Variants in PPID observed in about 807,000 individuals in gnomAD.
PPID encodes the protein peptidyl-prolyl cis-trans isomerase D.
A neutral mutation model predicts 48.1 loss-of-function variants in PPID; 47 were observed. The observed-to-expected ratio is 0.98, with a 90% confidence interval of 0.77 to 1.25. PPID has a LOEUF of 1.25. Ranked by LOEUF, PPID falls within the 50% of genes most tolerant of loss-of-function variation. The probability of loss-of-function intolerance (pLI) is 0.00; values close to 1 mark genes in which losing one functional copy is unlikely to be tolerated. For synonymous variants in PPID, 163 were observed against 148.8 expected, an observed-to-expected ratio of 1.10 and a Z score of -0.69; for missense variants, 429 against 443.5, an observed-to-expected ratio of 0.97 and a Z score of 0.29.
At chr4:158,723,123 G>T (rs1774990576) in intron 1 of PPID, 81 bp downstream of exon 1, 2 of 1,380,130 alleles carry the variant, frequency 1.4e-6, no homozygotes, top group African/African-American at 1.4e-5. Flanking sequence ...GGCCGGAGCC[G>T]CATTCCGCCC....
chr4:158,713,780 C>CAAAAAAGT (rs1204083421), intron 6 of PPID, among the ~76,000 whole-genome samples: 1 of 152,194 alleles, frequency 6.6e-6, no homozygotes, highest in Non-Finnish European at 1.5e-5. Context: ...GAGCTTAGAG[C>CAAAAAAGT]AAGCAAGTGC....
In PPID at chr4:158,709,698, T is replaced by C. The variant is rs895129759; in HGVS notation, c.*38A>G. Reference sequence around the variant, plus strand: ...AACCTTTACATTTTCTTATTGCATTTATACAATCAACACACAATAAGCAAA... The same window carrying C: ...AACCTTTACATTTTCTTATTGCATTCATACAATCAACACACAATAAGCAAA... On this transcript the variant is annotated 3_prime_UTR_variant, in exon 10 of 10. Transcript: ENST00000307720. The C allele has an allele frequency of 2.1e-6, 3 of 1,444,274 alleles. No homozygotes were observed. In the African/African-American group the frequency reaches 4.2e-5, roughly 20 times the overall value. The allele number at this position is 1,444,274 out of a possible 1,614,324, so 89.5% of individuals were successfully genotyped here.
chr4:158,715,157 G>A (rs78677282), intron 6 of PPID, 140 bp downstream of exon 6: 68 of 368,314 alleles, frequency 1.8e-4, no homozygotes, highest in South Asian at 4.7e-4. Context: ...AAGCTGAGGG[G>A]AAAAAAAAGG....
chr4:158,710,867 C>G lies in PPID; in HGVS notation c.895-19G>C, dbSNP rs747590488. 14 of 1,575,116 alleles carry G rather than the reference C, an allele frequency of 8.9e-6. No individual in the cohort carries two copies. The highest frequency in any genetic ancestry group is 1.0e-5 in the Non-Finnish European group (12 of 1,146,718). On this transcript the variant is annotated intron_variant, in intron 7 of 9. Transcript: ENST00000307720. ...CAAGAGCCTACAAAAAAGTATAAAG[C>G]TAGTATTTATATCAAAGTATTAAGC...
chr4:158,712,713 C>T (rs943495622), intron 7 of PPID, among the ~76,000 whole-genome samples: 8 of 151,846 alleles, frequency 5.3e-5, no homozygotes, highest in South Asian at 2.1e-4. Flanking sequence ...GCCGAGATTG[C>T]GCCACTGCAC....
rs760196503 is a variant in PPID at position 158,710,609 on chromosome 4, A to T, written c.1024+19T>A. On this transcript the variant is annotated intron_variant, in intron 9 of 9. Coordinates refer to ENST00000307720, the MANE Select transcript of PPID (RefSeq NM_005038.3). ...TTAAATAACAAAATTAACTTTCACTACAAAAGCTGCCAACTTACCTTTATC... is the reference window on the plus strand; with the variant it reads ...TTAAATAACAAAATTAACTTTCACTTCAAAAGCTGCCAACTTACCTTTATC... The T allele has an allele frequency of 6.2e-7, 1 of 1,610,456 alleles. No homozygotes were observed. Among genetic ancestry groups the T allele is most frequent in the Non-Finnish European group, 8.5e-7 (1 of 1,177,386 alleles).
intron 3 of PPID, among the ~76,000 whole-genome samples, chr4:158,718,817 G>C (rs866104277): frequency 6.6e-6 from 1 of 152,124 alleles, no homozygotes; most frequent in Non-Finnish European, 1.5e-5. Flanking sequence ...CTGACATCCT[G>C]GATATTAGTG....
rs17843925 is a variant in PPID at position 158,716,735 on chromosome 4, G to A, written c.522+277C>T. On this transcript the variant is annotated intron_variant, in intron 4 of 9. Transcript: ENST00000307720. ...AGCACTTTGGGAGGCCGAGGTGGGC[G>A]GATCACAAGGTCAGGAGTTTGAGAC... Among the ~76,000 whole-genome samples the A allele has an allele frequency of 4.5e-3, 687 of 152,188 alleles. 3 individuals are homozygous for A. The highest frequency in any genetic ancestry group is 0.015 in the African/African-American group (628 of 41,530).
chr4:158,723,190 C>G lies in PPID; in HGVS notation c.85+14G>C. 6.2e-7 allele frequency: 1 copy of G among 1,610,316 alleles called. No individual in the cohort carries two copies. On this transcript the variant is annotated intron_variant, in intron 1 of 9. Coordinates refer to ENST00000307720, the MANE Select transcript of PPID (RefSeq NM_005038.3). ...CTCCTCGGGGCTTTTCCGCGAGCGT[C>G]AGACTCCGCTCACCTCGCTCCCCTC...
chr4:158,723,228 C>A lies in PPID; in HGVS notation c.61G>T (p.Asp21Tyr). 1 of 1,614,024 alleles carries A rather than the reference C, an allele frequency of 6.2e-7. No individual in the cohort carries two copies. The highest frequency in any genetic ancestry group is 2.2e-5 in the East Asian group (1 of 44,878). ...SNPSNPRVFF[D>Y]VDIGGERVGR... ...CCTCGCTCCCCTCCGATGTCCACGT[C>A]AAAGAAGACTCGAGGGTTACTGGGG... The change falls in exon 1 of 10, where the codon GAC (aspartate) becomes TAC (tyrosine). Residue 21 changes from aspartate (D) to tyrosine (Y), a missense_variant. Physicochemically the swap from Asp to Tyr is radical, Grantham distance 160. Coordinates refer to ENST00000307720, the MANE Select transcript of PPID (RefSeq NM_005038.3).
chr4:158,721,565 G>C (rs1316753055), intron 1 of PPID, 82 bp from the exon 2 acceptor site: 2 of 1,475,494 alleles, frequency 1.4e-6, no homozygotes, highest in African/African-American at 2.8e-5. Context: ...AATTATGGTA[G>C]CAGATCAATC....
In PPID at chr4:158,709,525, C is replaced by A. The variant is rs961485678; in HGVS notation, c.*211G>T. 3 of 384,770 alleles carry A rather than the reference C, an allele frequency of 7.8e-6. No individual in the cohort carries two copies. The highest frequency in any genetic ancestry group is 4.6e-5 in the Admixed American group (1 of 21,882). The allele number at this position is 384,770 out of a possible 1,614,324, so 23.8% of individuals were successfully genotyped here. A position where few individuals can be genotyped will look rare whatever the true frequency, so the allele number is the denominator to read the frequency against. On this transcript the variant is annotated 3_prime_UTR_variant, in exon 10 of 10. Transcript: ENST00000307720. The stretch of plus-strand genomic sequence containing the variant: ...CCAGCCTGGGTGACAGAGCAAGACT[C>A]CATCTCAAAGAAACAAACAAAACCA...
chr4:158,717,955 T>C (rs1774898108), intron 3 of PPID, among the ~76,000 whole-genome samples: 1 of 152,230 alleles, frequency 6.6e-6, no homozygotes, highest in South Asian at 2.1e-4. Context: ...GCATGCACCG[T>C]AACTCTCATG....
rs1044099116 is a variant in PPID, at chr4:158,723,255, T to G, written c.34A>C (p.Asn12His). 6.2e-7 allele frequency: 1 copy of G among 1,613,932 alleles called. No homozygotes were observed. Among genetic ancestry groups the G allele is most frequent in the Non-Finnish European group, 8.5e-7 (1 of 1,180,018 alleles). Residue 12 changes from asparagine to histidine, a missense_variant, in exon 1 of 10, where the codon AAC becomes CAC. By Grantham distance (68) the Asn-to-His change is moderately conservative (BLOSUM62 1). Transcript: ENST00000307720. ...SHPSPQAKPS[N>H]PSNPRVFFDV... ...AAGAAGACTCGAGGGTTACTGGGGT[T>G]GGAGGGCTTGGCTTGGGGGGACGGG...
At chr4:158,710,413 T>C in intron 9 of PPID, 1 of 605,556 alleles carries the variant, frequency 1.7e-6, no homozygotes, top group South Asian at 2.1e-5. Flanking sequence ...CGTGAAAAAC[T>C]ACTATATTCT....
In PPID at chr4:158,717,082, T is replaced by C. The variant is rs1774883774; in HGVS notation, c.452A>G (p.Gln151Arg). ...TGCCACTCCTATTCCTTTAATTACT[T>C]GGCCAAACACCACATGTTTCCCATC... ...HLDGKHVVFG[Q>R]VIKGIGVARI... Residue 151 changes from glutamine to arginine, a missense_variant, in exon 4 of 10, where the codon CAA becomes CGA. Transcript: ENST00000307720. The C allele has an allele frequency of 1.2e-6, 2 of 1,614,182 alleles. No individual in the cohort carries two copies. Among genetic ancestry groups the C allele is most frequent in the Admixed American group, 1.7e-5 (1 of 60,022 alleles).
At chr4:158,716,793 A>G (rs925608070) in intron 4 of PPID, among the ~76,000 whole-genome samples, 5 of 152,108 alleles carry the variant, frequency 3.3e-5, no homozygotes, top group Non-Finnish European at 5.9e-5. Flanking sequence ...CCCCGTCTCT[A>G]TTAAAAATAC....
Position 158,720,180 on chromosome 4 carries a change from A to G in PPID, c.227-894T>C, listed in dbSNP as rs117420893. ...AATAGGCTAGGCATAGTAAATCACC[A>G]TTACTATTTAGGAAATGGTACAAGT... On this transcript the variant is annotated intron_variant, in intron 2 of 9. Coordinates refer to ENST00000307720, the MANE Select transcript of PPID (RefSeq NM_005038.3). 7.0e-4 allele frequency among the ~76,000 whole-genome samples: 106 copies of G among 152,328 alleles called. 1 individual carries two copies. In the East Asian group the frequency reaches 0.014, roughly 20 times the overall value.
chr4:158,709,769 T>G lies in PPID; in HGVS notation c.1080A>C (p.Lys360Asn). The G allele has an allele frequency of 1.2e-6, 2 of 1,611,862 alleles. No individual in the cohort carries two copies. Among genetic ancestry groups the G allele is most frequent in the African/African-American group, 1.3e-5 (1 of 75,048 alleles). The change falls in exon 10 of 10, where the codon AAA becomes AAC. Residue 360 changes from lysine (K) to asparagine (N), a missense_variant. Coordinates refer to ENST00000307720, the MANE Select transcript of PPID (RefSeq NM_005038.3). ...VKQKIKAQKD[K>N]EKAVYAKMFA ...ACATTTTTGCATATACTGCCTTCTCTTTATCTTTCTGTGCCTTTATCTTTT... is the reference window on the plus strand; with the variant it reads ...ACATTTTTGCATATACTGCCTTCTCGTTATCTTTCTGTGCCTTTATCTTTT...
Sources: allele counts gnomAD v4.1 joint callset (sites outside exome capture counted in the v4.1 genomes callset), GRCh38; gene constraint gnomAD v4.1.1; transcripts MANE v1.5; gene names NCBI Gene and HGNC (gene_info 2026-07-23, HGNC 2026-07-21).